MYO18B: variants seen among roughly 807,000 people sequenced by gnomAD.
The protein encoded by MYO18B is unconventional myosin-XVIIIb.
MYO18B carries 204 observed loss-of-function variants against 273.0 expected under a neutral mutation model. The ratio of observed to expected loss-of-function variants is 0.75; its 90% CI spans 0.67 to 0.84. The LOEUF (loss-of-function observed/expected upper bound fraction) is 0.84. Among genes scored for constraint, MYO18B ranks in the 40% least tolerant of loss-of-function variants. MYO18B has a pLI of 0.00. For missense variants in MYO18B, 3,212 were observed against 3,287.6 expected (o/e 0.98, Z 0.56); for synonymous variants, 1,330 against 1,305.7 (o/e 1.02, Z -0.40).
At chr22:25,790,620 G>A (rs998371665) in intron 11 of MYO18B, among the ~76,000 whole-genome samples, 1 of 152,204 alleles carries the variant, frequency 6.6e-6, no homozygotes, top group Non-Finnish European at 1.5e-5. Flanking sequence ...CTCAGTAAAG[G>A]TATGTTGAGT....
chr22:25,769,485 C>T, intron 4 of MYO18B, 57 bp downstream of exon 4: 3 of 1,403,898 alleles, frequency 2.1e-6, no homozygotes, highest in African/African-American at 1.5e-5. Flanking sequence ...TCCAGAGATG[C>T]AGGGATGGGA....
At chr22:25,939,911 G>A (rs2092624190) in intron 34 of MYO18B, among the ~76,000 whole-genome samples, 1 of 152,136 alleles carries the variant, frequency 6.6e-6, no homozygotes, top group African/African-American at 2.4e-5. Context: ...TATAACAACA[G>A]GAATGGTTGT....
In MYO18B at chr22:25,763,213, C is replaced by T. The variant is rs1280802888; in HGVS notation, c.40-18C>T. On this transcript the variant is annotated intron_variant, in intron 2 of 43. Transcript: ENST00000335473. Reference sequence around the variant, plus strand: ...GTTGACTCACTGAGCTCTCTCTTTCCTTGCTTCTGCAAAACAGATTCGGGA... The same window carrying T: ...GTTGACTCACTGAGCTCTCTCTTTCTTTGCTTCTGCAAAACAGATTCGGGA... 1 of 1,608,436 alleles carries T rather than the reference C, an allele frequency of 6.2e-7. No homozygotes were observed. Among genetic ancestry groups the T allele is most frequent in the Non-Finnish European group, 8.5e-7 (1 of 1,176,062 alleles).
At chr22:25,805,505 T>C (rs2088430271) in intron 12 of MYO18B, among the ~76,000 whole-genome samples, 1 of 152,178 alleles carries the variant, frequency 6.6e-6, no homozygotes, top group African/African-American at 2.4e-5. Flanking sequence ...CGTCACCCAA[T>C]TGGACATAAT....
At chr22:25,839,074 A>G (rs1324327416) in intron 17 of MYO18B, among the ~76,000 whole-genome samples, 1 of 150,730 alleles carries the variant, frequency 6.6e-6, no homozygotes, top group Non-Finnish European at 1.5e-5. Flanking sequence ...ATATGTATGT[A>G]TATATGTATT....
At chr22:25,838,513 C>T (rs2089975059) in intron 17 of MYO18B, among the ~76,000 whole-genome samples, 4 of 152,194 alleles carry the variant, frequency 2.6e-5, no homozygotes, top group Non-Finnish European at 2.9e-5. Context: ...GTGTTTCAGG[C>T]AACGGACTGT....
At chr22:26,007,408 C>T (rs1265934496) in intron 42 of MYO18B, among the ~76,000 whole-genome samples, 1 of 152,128 alleles carries the variant, frequency 6.6e-6, no homozygotes, top group Non-Finnish European at 1.5e-5. Flanking sequence ...CCCACCAAAG[C>T]CTCTATTTTA....
chr22:26,014,032 T>C (rs985709752), intron 42 of MYO18B, among the ~76,000 whole-genome samples: 4 of 152,220 alleles, frequency 2.6e-5, no homozygotes, highest in Admixed American at 2.6e-4. Flanking sequence ...TGTTTTCCTT[T>C]ATGGTTGGTG....
intron 7 of MYO18B, 57 bp downstream of exon 7, chr22:25,772,567 G>C (rs1236047464): frequency 2.0e-6 from 3 of 1,517,564 alleles, no homozygotes; most frequent in Admixed American, 2.0e-5. Context: ...GGGCCTGGGG[G>C]GATCCCTCTG....
At chr22:25,989,938 C>G (rs1372220188) in intron 39 of MYO18B, among the ~76,000 whole-genome samples, 1 of 152,158 alleles carries the variant, frequency 6.6e-6, no homozygotes, top group Admixed American at 6.5e-5. Flanking sequence ...CTCTGACAGC[C>G]TGGGGGCCCC....
chr22:25,942,446 C>T (rs1283589198), intron 34 of MYO18B, among the ~76,000 whole-genome samples: 1 of 152,248 alleles, frequency 6.6e-6, no homozygotes, highest in African/African-American at 2.4e-5. Flanking sequence ...GCTGTTTTCT[C>T]TGCAACAGAG....
At chr22:25,901,805 GGTT>G (rs953797141) in intron 29 of MYO18B, among the ~76,000 whole-genome samples, 2 of 130,866 alleles carry the variant, frequency 1.5e-5, no homozygotes, top group African/African-American at 6.1e-5. Flanking sequence ...TTTTTGGGTT[GGTT>G]TTTTTTTTTT....
In MYO18B at chr22:25,769,051, C is replaced by T. The variant is rs865998147; in HGVS notation, c.1135C>T (p.Arg379Trp). The T allele has an allele frequency of 2.0e-5, 32 of 1,611,686 alleles. No individual in the cohort carries two copies. Among genetic ancestry groups the T allele is most frequent in the Middle Eastern group, 1.6e-4 (1 of 6,084 alleles). ...AATGGGGGAGAAAGCAGGTGAGCTT[C>T]GGAGCACGACTGGGAAGGCAGGTGA... Reference protein sequence around the residue: ...LRMGEKAGELRSTTGKAGESW... With the variant: ...LRMGEKAGELWSTTGKAGESW... The change falls in exon 4 of 44, where the codon CGG (arginine) becomes TGG (tryptophan). Residue 379 changes from arginine (R) to tryptophan (W), a missense_variant. Physicochemically the swap from Arg to Trp is moderately radical, Grantham distance 101 (BLOSUM62 -3). Transcript: ENST00000335473.
intron 24 of MYO18B, among the ~76,000 whole-genome samples, chr22:25,877,498 G>T (rs1254385589): frequency 6.6e-6 from 1 of 151,942 alleles, no homozygotes; most frequent in African/African-American, 2.4e-5. Flanking sequence ...ATGGAGTCTC[G>T]CTCTTGTTGC....
chr22:25,954,689 T>C (rs2092828309), intron 38 of MYO18B, among the ~76,000 whole-genome samples: 3 of 152,060 alleles, frequency 2.0e-5, no homozygotes, highest in Admixed American at 2.0e-4. Flanking sequence ...CTACACTGCC[T>C]CTCAGAATAG....
At chr22:25,804,126 G>A (rs138382315) in intron 12 of MYO18B, among the ~76,000 whole-genome samples, 3 of 152,270 alleles carry the variant, frequency 2.0e-5, no homozygotes, top group East Asian at 1.9e-4. Flanking sequence ...GAAACTCACC[G>A]TGGTAAATCC....
At chr22:25,870,943 G>A (rs16980918) in intron 22 of MYO18B, among the ~76,000 whole-genome samples, 1 of 152,154 alleles carries the variant, frequency 6.6e-6, no homozygotes. Context: ...GTTTACAGTG[G>A]CAGGAGTAAG....
At chr22:25,746,534 C>T (rs1361575686) in intron 1 of MYO18B, among the ~76,000 whole-genome samples, 2 of 152,124 alleles carry the variant, frequency 1.3e-5, no homozygotes, top group African/African-American at 4.8e-5. Context: ...CAGGTAGCAC[C>T]TCCTCTCCAG....
At chr22:25,823,472 C>T in intron 12 of MYO18B, 33 bp from the exon 13 acceptor site, 2 of 1,605,190 alleles carry the variant, frequency 1.2e-6, no homozygotes, top group Non-Finnish European at 1.7e-6. Context: ...CCCAAGGCCT[C>T]ACTGCCACGC....
Sources: allele counts gnomAD v4.1 joint callset (sites outside exome capture counted in the v4.1 genomes callset), GRCh38; gene constraint gnomAD v4.1.1; transcripts MANE v1.5; gene names NCBI Gene and HGNC (gene_info 2026-07-23, HGNC 2026-07-21).